WDFY3: variants seen among roughly 807,000 people sequenced by gnomAD.
WDFY3 encodes the protein WD repeat and FYVE domain-containing protein 3.
A neutral mutation model predicts 409.6 loss-of-function variants in WDFY3; 66 were observed. The ratio of observed to expected loss-of-function variants is 0.16; its 90% CI spans 0.13 to 0.20. WDFY3 has a LOEUF of 0.20. Among genes scored for constraint, WDFY3 ranks in the 10% least tolerant of loss-of-function variants. The pLI, the probability that WDFY3 is intolerant of heterozygous loss-of-function variation, is 1.00. For missense variants in WDFY3, 3,031 were observed against 4,298.1 expected (o/e 0.71, Z 8.24); for synonymous variants, 1,521 against 1,537.1 (o/e 0.99, Z 0.25).
intron 2 of WDFY3, among the ~76,000 whole-genome samples, chr4:84,908,753 G>A (rs1353326260): frequency 1.3e-5 from 2 of 152,054 alleles, no homozygotes; most frequent in Non-Finnish European, 2.9e-5. Flanking sequence ...ATCTAAGTCA[G>A]ATATGCCAGA....
At chr4:84,851,116 G>A (rs748110239) in intron 4 of WDFY3, among the ~76,000 whole-genome samples, 1 of 150,718 alleles carries the variant, frequency 6.6e-6, no homozygotes, top group Non-Finnish European at 1.5e-5. Flanking sequence ...AAATAAATGG[G>A]TATGAGTTCA....
At position 84,829,068 on chromosome 4, in the gene WDFY3, G is replaced by A; in HGVS notation, c.892C>T (p.Gln298Ter). 1 of 1,613,670 alleles carries A rather than the reference G, an allele frequency of 6.2e-7. No homozygotes were observed. Among genetic ancestry groups the A allele is most frequent in the Non-Finnish European group, 8.5e-7 (1 of 1,179,764 alleles). Residue 298 changes from glutamine to a stop codon, truncating the protein, a stop_gained, in exon 9 of 68, where the codon CAA becomes TAA. Coordinates refer to ENST00000295888, the MANE Select transcript of WDFY3 (RefSeq NM_014991.6). LOFTEE classifies it high-confidence loss of function. ...CFLKDSSDVS[Q>*]TLLDDFRIWQ... is the part of the protein sequence containing the mutation. ...ATCCGAAAATCATCCAGAAGTGTTT[G>A]GGAAACATCGCTGGAATCTTTGAGG... is the stretch of plus-strand genomic sequence containing the variant.
intron 29 of WDFY3, among the ~76,000 whole-genome samples, chr4:84,773,271 A>G (rs563160186): frequency 1.2e-4 from 19 of 152,356 alleles, no homozygotes; most frequent in African/African-American, 4.6e-4. Context: ...CATCCCAAGT[A>G]ACATTATATA....
At chr4:84,848,377 G>C (rs566242340) in intron 5 of WDFY3, among the ~76,000 whole-genome samples, 1 of 152,212 alleles carries the variant, frequency 6.6e-6, no homozygotes, top group South Asian at 2.1e-4. Context: ...GAGACAAAAT[G>C]ATTTCCCACA....
rs11288011 is a variant in WDFY3 at position 84,799,338 on chromosome 4, AT to A, written c.2823-1231del. ...TGCTAGTTAATACATATATATATAT[AT>A]TTTTTTTTTTTTTGTAGAAACAGGG... On this transcript the variant is annotated intron_variant, in intron 17 of 67. Coordinates refer to ENST00000295888, the MANE Select transcript of WDFY3 (RefSeq NM_014991.6). 3.9e-3 allele frequency among the ~76,000 whole-genome samples: 561 copies of A among 142,826 alleles called. 3 individuals carry two copies. The highest frequency in any genetic ancestry group is 0.013 in the African/African-American group (512 of 39,070). 93.7% of individuals were successfully genotyped at this position (142,826 alleles called of 152,430 possible). A position where few individuals can be genotyped will look rare whatever the true frequency, so the allele number is the denominator to read the frequency against.
chr4:84,690,632 C>T lies in WDFY3; in HGVS notation c.9237G>A (p.Trp3079Ter). The T allele has an allele frequency of 6.2e-7, 1 of 1,613,906 alleles. No homozygotes were observed. The highest frequency in any genetic ancestry group is 8.5e-7 in the Non-Finnish European group (1 of 1,179,906). Reference sequence around the variant, plus strand: ...GGCAGATTGCACAGAGAATCTGGCCCCACTCAGACAAGCATTCATAAACAG... The same window carrying T: ...GGCAGATTGCACAGAGAATCTGGCCTCACTCAGACAAGCATTCATAAACAG... ...AMTVYECLSE[W>*]GQILCAICPN... The change falls in exon 61 of 68, where the codon TGG (tryptophan) becomes TGA (stop). Residue 3079 changes from tryptophan (W) to a stop codon, truncating the protein, a stop_gained. Transcript: ENST00000295888. LOFTEE classifies it high-confidence loss of function.
At chr4:84,712,878 G>A (rs1295297617) in intron 51 of WDFY3, among the ~76,000 whole-genome samples, 1 of 152,102 alleles carries the variant, frequency 6.6e-6, no homozygotes, top group Non-Finnish European at 1.5e-5. Context: ...AATAGAAGAA[G>A]CAGAATAAAA....
At chr4:84,766,492 T>C (rs1743660994) in intron 30 of WDFY3, 120 bp from the exon 31 acceptor site, 2 of 966,314 alleles carry the variant, frequency 2.1e-6, no homozygotes, top group South Asian at 1.8e-5. Flanking sequence ...TCTCCAGGAC[T>C]GCTTTTCACC....
intron 4 of WDFY3, among the ~76,000 whole-genome samples, chr4:84,854,966 A>G (rs1759551270): frequency 6.6e-6 from 1 of 152,170 alleles, no homozygotes; most frequent in Non-Finnish European, 1.5e-5. Context: ...GTTGGGCAAG[A>G]GAACTGGCAA....
intron 2 of WDFY3, among the ~76,000 whole-genome samples, chr4:84,904,346 T>C (rs534599677): frequency 1.3e-5 from 2 of 152,108 alleles, no homozygotes; most frequent in East Asian, 3.9e-4. Context: ...GTTCAAGGGA[T>C]TCTCCTGCCT....
chr4:84,715,700 A>T (rs894246138), intron 49 of WDFY3, among the ~76,000 whole-genome samples: 1 of 148,524 alleles, frequency 6.7e-6, no homozygotes, highest in African/African-American at 2.5e-5. Flanking sequence ...GCATGATCCC[A>T]GGAGGCAGGG....
At chr4:84,935,478 T>G (rs767105085) in intron 1 of WDFY3, among the ~76,000 whole-genome samples, 2 of 152,224 alleles carry the variant, frequency 1.3e-5, no homozygotes, top group Non-Finnish European at 2.9e-5. Context: ...TTTCTTCATG[T>G]TTCTTGGCTA....
At chr4:84,680,819 A>G (rs975187531) in intron 64 of WDFY3, among the ~76,000 whole-genome samples, 1 of 152,242 alleles carries the variant, frequency 6.6e-6, no homozygotes, top group African/African-American at 2.4e-5. Flanking sequence ...GGAGGGTGTT[A>G]GTAGGTTTTA....
Position 84,952,312 on chromosome 4 carries a change from G to A in WDFY3, c.-226+13897C>T, listed in dbSNP as rs143656432. On this transcript the variant is annotated intron_variant, in intron 1 of 67. Transcript: ENST00000295888. ...CTAGGTCTCTGCGGAAAAAGAGGTGGAGAACATAAAAGAATGTATGACACC... is the reference window on the plus strand; with the variant it reads ...CTAGGTCTCTGCGGAAAAAGAGGTGAAGAACATAAAAGAATGTATGACACC... 6.1e-3 allele frequency among the ~76,000 whole-genome samples: 935 copies of A among 152,196 alleles called. 12 individuals are homozygous for A. Among genetic ancestry groups the A allele is most frequent in the African/African-American group, 0.021 (882 of 41,532 alleles).
chr4:84,899,904 A>G (rs1766125037), intron 2 of WDFY3, among the ~76,000 whole-genome samples: 1 of 152,120 alleles, frequency 6.6e-6, no homozygotes. Flanking sequence ...ACAAAAAATT[A>G]GCCAGATGTG....
intron 25 of WDFY3, among the ~76,000 whole-genome samples, chr4:84,781,089 A>G (rs2149483594): frequency 6.6e-6 from 1 of 152,254 alleles, no homozygotes; most frequent in South Asian, 2.1e-4. Flanking sequence ...TATTTCCTAT[A>G]GATAAACCAA....
intron 21 of WDFY3, among the ~76,000 whole-genome samples, chr4:84,791,029 C>T (rs907047067): frequency 2.0e-5 from 3 of 152,070 alleles, no homozygotes; most frequent in African/African-American, 7.2e-5. Flanking sequence ...AATGCTGCAG[C>T]TGCTATGGAA....
intron 24 of WDFY3, among the ~76,000 whole-genome samples, chr4:84,783,572 C>G (rs1746948864): frequency 6.6e-6 from 1 of 152,146 alleles, no homozygotes; most frequent in African/African-American, 2.4e-5. Flanking sequence ...TCTTGAGACA[C>G]AGCTTCAGGG....
intron 1 of WDFY3, among the ~76,000 whole-genome samples, chr4:84,932,716 T>C (rs1395601699): frequency 6.6e-6 from 1 of 152,206 alleles, no homozygotes; most frequent in Non-Finnish European, 1.5e-5. Context: ...CTCATTTGTA[T>C]ATCACAGACC....
Sources: gnomAD v4.1 joint callset for allele counts (sites outside exome capture counted in the v4.1 genomes callset) on GRCh38, gnomAD v4.1.1 for gene constraint, MANE v1.5 for transcripts, NCBI Gene and HGNC (gene_info 2026-07-23, HGNC 2026-07-21) for gene names.